The following BCL11A variants were observed in gnomAD, a reference collection of about 807,000 sequenced individuals.
BCL11A encodes the protein BCL11 transcription factor A.
In BCL11A, 2 loss-of-function variants were observed where a neutral mutation model predicts 55.9. The observed-to-expected ratio is 0.04, with a 90% CI of 0.01 to 0.11. BCL11A has a LOEUF of 0.11. BCL11A is among the 10% of genes least tolerant of loss of function. The pLI, the probability that BCL11A is intolerant of heterozygous loss-of-function variation, is 1.00. For synonymous variants in BCL11A, 465 were observed against 473.4 expected (o/e 0.98, Z 0.23); for missense variants, 817 against 1,137.1 (o/e 0.72, Z 4.05).
At chr2:60,534,804 A>G (rs1419896711) in intron 2 of BCL11A, 6 of 152,248 alleles carry the variant, frequency 3.9e-5, no homozygotes, top group African/African-American at 1.4e-4. Context: ...AACATGATCA[A>G]AAGTGATTAA....
chr2:60,507,669 C>T lies in BCL11A; in HGVS notation c.385+38302G>A, dbSNP rs778728884. 2.4e-3 allele frequency among the ~76,000 whole-genome samples: 359 copies of T among 152,006 alleles called. 2 individuals carry two copies. Among genetic ancestry groups the T allele is most frequent in the Non-Finnish European group, 2.6e-3 (177 of 67,974 alleles). ...CTGAGCTGAGCTTGCTGTCCTAAGT[C>T]GGCTACTGCTTCTAAGTCCCCAGCT... On this transcript the variant is annotated intron_variant, in intron 2 of 3. Coordinates refer to ENST00000642384, the MANE Select transcript of BCL11A (RefSeq NM_022893.4).
At chr2:60,545,745 G>A (rs1670120093) in intron 2 of BCL11A, 1 of 541,032 alleles carries the variant, frequency 1.8e-6, no homozygotes, top group Non-Finnish European at 3.3e-6. Context: ...TGTCTGATGT[G>A]TGTACCTATC....
chr2:60,451,366 G>A (rs45600937), exon 5 of BCL11A: 21,273 of 227,934 alleles, frequency 0.093, 1,143 homozygotes, highest in Middle Eastern at 0.13. Context: ...AATTTGCTAT[G>A]TTGTTTCTAA....
At chr2:60,452,015 C>T (rs1303228908) in exon 5 of BCL11A, 1 of 226,898 alleles carries the variant, frequency 4.4e-6, no homozygotes, top group Non-Finnish European at 8.8e-6. Context: ...TAGTTCCCCT[C>T]CTACATCTCC....
intron 2 of BCL11A, among the ~76,000 whole-genome samples, chr2:60,504,823 G>T (rs1383310801): frequency 1.3e-5 from 2 of 152,120 alleles, no homozygotes; most frequent in African/African-American, 4.8e-5. Flanking sequence ...AGATCAAACT[G>T]ATTCCTATCA....
chr2:60,455,897 C>A (rs1488596310), downstream of BCL11A, among the ~76,000 whole-genome samples: 1 of 152,054 alleles, frequency 6.6e-6, no homozygotes, highest in Non-Finnish European at 1.5e-5. Flanking sequence ...TTTGGAGAAA[C>A]CTAATCCAAA....
At chr2:60,453,512 C>G (rs1675812020), downstream of BCL11A, among the ~76,000 whole-genome samples, 1 of 152,186 alleles carries the variant, frequency 6.6e-6, no homozygotes, top group African/African-American at 2.4e-5. Context: ...TGGATCTCAG[C>G]TGCTCTCACG....
chr2:60,535,497 T>C (rs574121945), intron 2 of BCL11A: 5 of 152,362 alleles, frequency 3.3e-5, no homozygotes, highest in Admixed American at 1.3e-4. Context: ...TACTGCATAG[T>C]CCTCCAACAG....
At chr2:60,464,060 A>T (rs2103881345) in intron 3 of BCL11A, among the ~76,000 whole-genome samples, 1 of 152,304 alleles carries the variant, frequency 6.6e-6, no homozygotes, top group South Asian at 2.1e-4. Flanking sequence ...GTATTCCAAA[A>T]TAAGCCAGCC....
At chr2:60,469,726 G>A (rs893226730) in intron 2 of BCL11A, among the ~76,000 whole-genome samples, 2 of 152,134 alleles carry the variant, frequency 1.3e-5, no homozygotes, top group African/African-American at 4.8e-5. Flanking sequence ...GGAAAATTTG[G>A]TTTGTGCAAT....
intron 2 of BCL11A, among the ~76,000 whole-genome samples, chr2:60,496,862 C>T (rs1169738418): frequency 6.6e-6 from 1 of 152,208 alleles, no homozygotes; most frequent in East Asian, 1.9e-4. Flanking sequence ...ATGTCACAGT[C>T]ATAGGCCTGA....
intron 2 of BCL11A, among the ~76,000 whole-genome samples, chr2:60,529,036 C>T (rs886788447): frequency 1.3e-5 from 2 of 152,160 alleles, no homozygotes; most frequent in Admixed American, 6.6e-5. Flanking sequence ...ACAAGCCTCT[C>T]GTAAGGCAAC....
intron 2 of BCL11A, among the ~76,000 whole-genome samples, chr2:60,488,091 C>A (rs1374678151): frequency 6.6e-6 from 1 of 152,234 alleles, no homozygotes; most frequent in South Asian, 2.1e-4. Flanking sequence ...GTAACACTTA[C>A]AATTTATTCT....
chr2:60,518,853 G>A (rs1028349262), intron 2 of BCL11A, among the ~76,000 whole-genome samples: 1 of 152,142 alleles, frequency 6.6e-6, no homozygotes, highest in African/African-American at 2.4e-5. Flanking sequence ...TTGCTCGATG[G>A]GCAAAGATCA....
chr2:60,522,704 C>T (rs1285766742), intron 2 of BCL11A: 1 of 152,334 alleles, frequency 6.6e-6, no homozygotes, highest in Non-Finnish European at 1.5e-5. Flanking sequence ...ACCATGTGGC[C>T]CATCACCACA....
downstream of BCL11A, chr2:60,457,073 G>C (rs1270961274): frequency 5.7e-6 from 1 of 175,422 alleles, no homozygotes. Context: ...TATAATACAC[G>C]CATCAGAATG....
chr2:60,509,777 G>A (rs1679880979), intron 2 of BCL11A, among the ~76,000 whole-genome samples: 1 of 151,852 alleles, frequency 6.6e-6, no homozygotes, highest in Admixed American at 6.6e-5. Flanking sequence ...CACAATCGGG[G>A]GGCTACTCTC....
At chr2:60,477,170 A>C (rs1677656627) in intron 2 of BCL11A, among the ~76,000 whole-genome samples, 1 of 152,210 alleles carries the variant, frequency 6.6e-6, no homozygotes, top group Non-Finnish European at 1.5e-5. Flanking sequence ...AGGAAGGTGA[A>C]ATACGCATTT....
intron 2 of BCL11A, among the ~76,000 whole-genome samples, chr2:60,483,633 C>T (rs1214790661): frequency 1.3e-5 from 2 of 152,174 alleles, no homozygotes; most frequent in South Asian, 2.1e-4. Context: ...AGAGGATGCT[C>T]GTCCCCAGGA....
Sources: allele counts gnomAD v4.1 joint callset (sites outside exome capture counted in the v4.1 genomes callset), GRCh38; gene constraint gnomAD v4.1.1; transcripts MANE v1.5; gene names NCBI Gene and HGNC (gene_info 2026-07-23, HGNC 2026-07-21).